Variants in BACH2 observed in about 807,000 individuals in gnomAD.
BACH2 encodes transcription regulator protein BACH2.
A neutral mutation model predicts 61.8 loss-of-function variants in BACH2; 5 were observed. The observed-to-expected ratio is 0.08, with a 90% confidence interval of 0.04 to 0.17. The LOEUF is 0.17. BACH2 is among the 10% of genes least tolerant of loss of function. BACH2 has a pLI of 1.00. For synonymous variants in BACH2, 446 were observed against 440.1 expected, an observed-to-expected ratio of 1.01 and a Z score of -0.17; for missense variants, 824 against 1,091.1, an observed-to-expected ratio of 0.76 and a Z score of 3.45.
intron 6 of BACH2, among the ~76,000 whole-genome samples, chr6:90,005,186 C>T (rs1669352574): frequency 6.6e-6 from 1 of 151,880 alleles, no homozygotes; most frequent in Non-Finnish European, 1.5e-5. Context: ...TGGGTTTGGC[C>T]TAAGGTGGAT....
In BACH2 at chr6:90,027,662, C is replaced by T. The variant is rs144149108; in HGVS notation, c.-12-18806G>A. 2.7e-3 allele frequency among the ~76,000 whole-genome samples: 416 copies of T among 152,250 alleles called. 3 individuals are homozygous for T. The highest frequency in any genetic ancestry group is 0.024 in the Middle Eastern group (7 of 294). On this transcript the variant is annotated intron_variant, in intron 5 of 8. Transcript: ENST00000257749. Reference sequence around the variant, plus strand: ...ACCTATTTTCCATTTCTCCTTCCATCCTTAGATAGAGGGGCTCCATTTGAA... The same window carrying T: ...ACCTATTTTCCATTTCTCCTTCCATTCTTAGATAGAGGGGCTCCATTTGAA...
At chr6:90,200,958 T>C (rs1768936987) in intron 4 of BACH2, among the ~76,000 whole-genome samples, 1 of 152,216 alleles carries the variant, frequency 6.6e-6, no homozygotes, top group African/African-American at 2.4e-5. Flanking sequence ...ATCTTTATTC[T>C]GTGTGCATAC....
intron 4 of BACH2, among the ~76,000 whole-genome samples, chr6:90,204,539 C>T (rs776208996): frequency 2.6e-5 from 4 of 151,928 alleles, no homozygotes; most frequent in Non-Finnish European, 4.4e-5. Context: ...ACATAATATC[C>T]CAAGCAACAG....
At chr6:90,121,811 G>A (rs909848729) in intron 4 of BACH2, among the ~76,000 whole-genome samples, 1 of 152,142 alleles carries the variant, frequency 6.6e-6, no homozygotes, top group African/African-American at 2.4e-5. Flanking sequence ...CTCCCAAAGT[G>A]CTGGGATTAC....
intron 3 of BACH2, among the ~76,000 whole-genome samples, chr6:90,237,568 T>C (rs1770301704): frequency 6.6e-6 from 1 of 152,224 alleles, no homozygotes; most frequent in Non-Finnish European, 1.5e-5. Context: ...CACATCTGTT[T>C]GTTTTGTGAC....
At chr6:90,032,710 G>A (rs1240764592) in intron 5 of BACH2, among the ~76,000 whole-genome samples, 3 of 152,164 alleles carry the variant, frequency 2.0e-5, no homozygotes, top group African/African-American at 7.2e-5. Flanking sequence ...GGAAACAACA[G>A]GTGCTGGAGA....
intron 7 of BACH2, 44 bp from the exon 8 acceptor site, chr6:89,938,394 T>G: frequency 6.5e-7 from 1 of 1,537,462 alleles, no homozygotes; most frequent in Non-Finnish European, 9.0e-7. Context: ...AGCTGGATTT[T>G]AATTCTGGCA....
Position 89,950,619 on chromosome 6 carries a change from G to T in BACH2, c.1487C>A (p.Pro496His). The stretch of plus-strand genomic sequence containing the variant: ...GATTGGTACCGGGCAGCTGGTGTTG[G>T]GCCGCATCCTTCCTGGCAAGTGGTC... Reference protein sequence around the residue: ...MADHLPGRMRPNTSCPVPIKV... With the variant: ...MADHLPGRMRHNTSCPVPIKV... The change falls in exon 7 of 9, where the codon CCC (proline) becomes CAC (histidine). Residue 496 changes from proline to histidine, a missense_variant. Pro to His is a moderately conservative substitution (Grantham distance 77, BLOSUM62 -2). This residue lies in a region of BACH2 where 102 missense variants were observed against 98.1 expected (regional missense o/e 1.04). Transcript: ENST00000257749. This position sits in a 1 kb window ranked among gnomAD's most constrained non-coding sequence, Gnocchi z 5.3. The T allele has an allele frequency of 6.2e-7, 1 of 1,613,948 alleles. No individual in the cohort carries two copies. The highest frequency in any genetic ancestry group is 1.1e-5 in the South Asian group (1 of 91,064).
At chr6:89,989,120 T>C (rs1333698187) in intron 6 of BACH2, among the ~76,000 whole-genome samples, 3 of 152,188 alleles carry the variant, frequency 2.0e-5, no homozygotes, top group Admixed American at 1.3e-4. Context: ...TTCTCCAAGA[T>C]GGAGCAAGAA....
intron 3 of BACH2, among the ~76,000 whole-genome samples, chr6:90,239,242 A>G (rs1770354563): frequency 6.6e-6 from 1 of 152,236 alleles, no homozygotes; most frequent in African/African-American, 2.4e-5. Context: ...CTTTGAAATT[A>G]GGGTTGGCGG....
chr6:89,950,041 G>A lies in BACH2; in HGVS notation c.1836+229C>T. ...TTTACTCAGCAGCTTGCCTCTGCTT[G>A]TCGAGTATTGAGATCCAGATCAAAT... On this transcript the variant is annotated intron_variant, in intron 7 of 8. Transcript: ENST00000257749. This position sits in a 1 kb window ranked among gnomAD's most constrained non-coding sequence, Gnocchi z 5.3. The A allele has an allele frequency of 1.7e-6, 1 of 592,314 alleles. No individual in the cohort carries two copies. Among genetic ancestry groups the A allele is most frequent in the South Asian group, 1.9e-5 (1 of 51,382 alleles). 36.7% of individuals were successfully genotyped at this position (592,314 alleles called of 1,614,324 possible). A position where few individuals can be genotyped will look rare whatever the true frequency, so the allele number is the denominator to read the frequency against.
intron 5 of BACH2, among the ~76,000 whole-genome samples, chr6:90,054,951 T>A (rs1780252442): frequency 6.6e-6 from 1 of 152,048 alleles, no homozygotes; most frequent in East Asian, 1.9e-4. Flanking sequence ...GGAAAGGACA[T>A]CCACACCAAA....
intron 4 of BACH2, among the ~76,000 whole-genome samples, chr6:90,144,850 C>T (rs952210134): frequency 2.6e-5 from 4 of 152,108 alleles, no homozygotes; most frequent in African/African-American, 7.2e-5. Flanking sequence ...TCCCAGAGAG[C>T]GATCATCCGT....
At chr6:89,977,216 A>G (rs1775699685) in intron 6 of BACH2, among the ~76,000 whole-genome samples, 1 of 152,234 alleles carries the variant, frequency 6.6e-6, no homozygotes, top group African/African-American at 2.4e-5. Flanking sequence ...AAATGAATAC[A>G]TATATTCATT....
chr6:90,199,421 A>G (rs1265894834), intron 4 of BACH2, among the ~76,000 whole-genome samples: 1 of 152,228 alleles, frequency 6.6e-6, no homozygotes, highest in Non-Finnish European at 1.5e-5. Flanking sequence ...ACACACGCAC[A>G]CATTATATGC....
intron 4 of BACH2, among the ~76,000 whole-genome samples, chr6:90,180,302 T>C (rs1411069318): frequency 2.0e-5 from 3 of 152,170 alleles, no homozygotes; most frequent in East Asian, 3.8e-4. Context: ...GAAATATAAA[T>C]AGCTAAATGT....
chr6:90,184,256 C>T lies in BACH2; in HGVS notation c.-162+22313G>A, dbSNP rs547057158. 6.6e-5 allele frequency among the ~76,000 whole-genome samples: 10 copies of T among 152,284 alleles called. No individual in the cohort carries two copies. In the South Asian group the frequency reaches 1.2e-3, roughly 19 times the overall value. ...TGGAGATATTTGTAGCTAGAATAAA[C>T]GCCATTTTAACATCTCCTCTTTATC... On this transcript the variant is annotated intron_variant, in intron 4 of 8. Coordinates refer to ENST00000257749, the MANE Select transcript of BACH2 (RefSeq NM_021813.4).
chr6:90,189,590 G>A (rs1397409220), intron 4 of BACH2, among the ~76,000 whole-genome samples: 1 of 141,584 alleles, frequency 7.1e-6, no homozygotes, highest in East Asian at 2.1e-4. Context: ...AGTCCGGCCT[G>A]GGCGACAGAG....
At chr6:89,981,589 A>T (rs9344978) in intron 6 of BACH2, among the ~76,000 whole-genome samples, 14,101 of 152,230 alleles carry the variant, frequency 0.093, 835 homozygotes, top group African/African-American at 0.16. Flanking sequence ...TCCTTATTTA[A>T]GCATATTAAA....
Sources: allele counts gnomAD v4.1 joint callset (sites outside exome capture counted in the v4.1 genomes callset), GRCh38; gene constraint gnomAD v4.1.1; regional missense constraint gnomAD v4.1.1; non-coding constraint Gnocchi (gnomAD v3.1); transcripts MANE v1.5; gene names NCBI Gene and HGNC (gene_info 2026-07-23, HGNC 2026-07-21).